The following SRSF11 variants were observed in gnomAD, a reference collection of about 807,000 sequenced individuals.
SRSF11 encodes the protein serine/arginine-rich splicing factor 11.
Under a neutral mutation model 56.0 loss-of-function variants are expected in SRSF11, and 9 were observed. That is an observed-to-expected ratio of 0.16 (90% CI 0.10 to 0.28). The LOEUF (loss-of-function observed/expected upper bound fraction) is 0.28. Among genes scored for constraint, SRSF11 ranks in the 10% least tolerant of loss-of-function variants. The pLI is 1.00. For synonymous variants in SRSF11, 222 were observed against 215.3 expected (o/e 1.03, Z -0.27); for missense variants, 421 against 600.7 (o/e 0.70, Z 3.13).
At chr1:70,218,467 G>A (rs1025858024), upstream of SRSF11, 1 of 152,094 alleles carries the variant, frequency 6.6e-6, no homozygotes. Context: ...GGCTTCTGGT[G>A]GTTTAAAGGA....
chr1:70,250,602 G>C lies in SRSF11; in HGVS notation c.1258-6G>C. The C allele has an allele frequency of 6.2e-7, 1 of 1,612,536 alleles. No homozygotes were observed. Among genetic ancestry groups the C allele is most frequent in the Non-Finnish European group, 8.5e-7 (1 of 1,179,588 alleles). On this transcript the variant is annotated splice_polypyrimidine_tract_variant and splice_region_variant and intron_variant, in intron 11 of 11. Transcript: ENST00000370949. ...AAGTTTACTTTTATTATTCTCCTTG[G>C]CAAAGCAGGTTACACGGGATTATGA...
chr1:70,234,647 T>C (rs370099663), intron 3 of SRSF11, 49 bp from the exon 4 acceptor site: 1 of 1,470,932 alleles, frequency 6.8e-7, no homozygotes, highest in African/African-American at 1.4e-5. Flanking sequence ...ACCCCTGGTA[T>C]AAGGAACTGA....
rs1451179853 is a variant in SRSF11 at position 70,221,566 on chromosome 1, C to CT, written c.-69dup. ...TCCTCTCTCCCGCAATCCGGTTCCT[C>CT]TTCCCCCTCCTTCTCACTGTTTGTT... is the stretch of plus-strand genomic sequence containing the variant. On this transcript the variant is annotated 5_prime_UTR_variant, in exon 1 of 12. Transcript: ENST00000370949. 10 of 1,532,220 alleles carry CT rather than the reference C, an allele frequency of 6.5e-6. No individual in the cohort carries two copies. Among genetic ancestry groups the CT allele is most frequent in the Non-Finnish European group, 8.8e-6 (10 of 1,138,022 alleles). The allele number at this position is 1,532,220 out of a possible 1,614,324, so 94.9% of individuals were successfully genotyped here.
chr1:70,246,938 A>AT (rs1228574984), intron 9 of SRSF11, 31 bp downstream of exon 9: 6 of 1,561,716 alleles, frequency 3.8e-6, no homozygotes, highest in East Asian at 4.6e-5. Flanking sequence ...CTTGGCAATT[A>AT]TTTTTTTAAC....
At chr1:70,250,166 C>A in intron 10 of SRSF11, 119 bp downstream of exon 10, 2 of 1,245,492 alleles carry the variant, frequency 1.6e-6, no homozygotes, top group Non-Finnish European at 2.3e-6. Flanking sequence ...TTAATGTATT[C>A]TCCTTCTGAC....
chr1:70,230,771 CAGA>C (rs774818773), intron 2 of SRSF11: 45 of 1,166,978 alleles, frequency 3.9e-5, no homozygotes, highest in Non-Finnish European at 4.8e-5. Context: ...TTTAGTTTGC[CAGA>C]AATGTTGCAA....
chr1:70,233,780 A>C (rs189458762), intron 3 of SRSF11, among the ~76,000 whole-genome samples: 89 of 152,352 alleles, frequency 5.8e-4, no homozygotes, highest in African/African-American at 2.0e-3. Flanking sequence ...CCTCACTTTC[A>C]TGGTTTGTGT....
chr1:70,206,127 A>G (rs1181140364), intron 1 of SRSF11, among the ~76,000 whole-genome samples: 1 of 152,240 alleles, frequency 6.6e-6, no homozygotes, highest in Non-Finnish European at 1.5e-5. Flanking sequence ...GTAATGTGAA[A>G]TGGAAGGACT....
intron 2 of SRSF11, chr1:70,229,049 T>C: frequency 1.0e-6 from 1 of 985,422 alleles, no homozygotes; most frequent in Non-Finnish European, 1.2e-6. Context: ...GCAGTGATTT[T>C]GGTTTTCGTG....
chr1:70,223,394 A>G (rs1671069908), intron 1 of SRSF11, among the ~76,000 whole-genome samples: 3 of 152,190 alleles, frequency 2.0e-5, no homozygotes, highest in Non-Finnish European at 2.9e-5. Context: ...TCTTTTACCT[A>G]ATGCATGACC....
chr1:70,209,319 T>C (rs1356422470), intron 1 of SRSF11, among the ~76,000 whole-genome samples: 1 of 152,224 alleles, frequency 6.6e-6, no homozygotes, highest in Non-Finnish European at 1.5e-5. Context: ...AGCACACTTG[T>C]TTATAAAATG....
chr1:70,220,008 ATTAT>A (rs545583664), upstream of SRSF11, among the ~76,000 whole-genome samples: 145 of 152,344 alleles, frequency 9.5e-4, 2 homozygotes, highest in African/African-American at 3.3e-3. Context: ...GGTCAAGTGA[ATTAT>A]TTAGTGAACT....
intron 8 of SRSF11, among the ~76,000 whole-genome samples, chr1:70,245,262 T>A (rs1404731451): frequency 6.6e-6 from 1 of 152,200 alleles, no homozygotes; most frequent in African/African-American, 2.4e-5. Flanking sequence ...TTATCTTAAT[T>A]TTCTAGAAGC....
chr1:70,246,341 C>T lies in SRSF11; in HGVS notation c.933-477C>T, dbSNP rs897751592. 1.2e-4 allele frequency among the ~76,000 whole-genome samples: 18 copies of T among 152,046 alleles called. 1 individual carries two copies. The highest frequency in any genetic ancestry group is 1.2e-3 in the East Asian group (6 of 5,174). On this transcript the variant is annotated intron_variant, in intron 8 of 11. Coordinates refer to ENST00000370949, the MANE Select transcript of SRSF11 (RefSeq NM_001350605.2). The stretch of plus-strand genomic sequence containing the variant: ...TAAGCCCTGAATAGTTCATAATAGC[C>T]GCAGAAAAAGAAGCTTGCTTGATCC...
At chr1:70,250,527 T>C (rs748467418) in intron 11 of SRSF11, 24 bp downstream of exon 11, 1 of 1,607,134 alleles carries the variant, frequency 6.2e-7, no homozygotes, top group South Asian at 1.1e-5. Context: ...TTGATTTATT[T>C]TTATATTTGG....
chr1:70,229,303 A>C (rs1200097522), intron 2 of SRSF11: 6 of 1,285,064 alleles, frequency 4.7e-6, no homozygotes, highest in Non-Finnish European at 6.1e-6. Flanking sequence ...AAAGGCCAGC[A>C]AGCACTCAAG....
At chr1:70,220,970 C>T (rs901068509), upstream of SRSF11, 2 of 151,866 alleles carry the variant, frequency 1.3e-5, no homozygotes, top group Non-Finnish European at 2.9e-5. Context: ...TTAATGTTAC[C>T]AAAATTCATG....
chr1:70,219,247 A>G (rs1670292797), upstream of SRSF11, among the ~76,000 whole-genome samples: 2 of 152,230 alleles, frequency 1.3e-5, no homozygotes, highest in African/African-American at 4.8e-5. Context: ...TGCTTACATT[A>G]TATGCAAATA....
rs536633189 is a variant in SRSF11, at chr1:70,210,349, G to T, written c.-26+4569G>T. Among the ~76,000 whole-genome samples, 31 of 152,062 alleles carry T rather than the reference G, an allele frequency of 2.0e-4. No individual in the cohort carries two copies. The East Asian group carries it at 4.7e-3, about 23-fold the overall frequency. ...TTTTTTAATGTTTTATAGAGACAGG[G>T]TCTCCCCATATTGCCCAGACTGGTC... On this transcript the variant is annotated intron_variant, in intron 1 of 12. Coordinates refer to the SRSF11 transcript ENST00000370950.
Sources: allele counts gnomAD v4.1 joint callset (sites outside exome capture counted in the v4.1 genomes callset), GRCh38; gene constraint gnomAD v4.1.1; transcripts MANE v1.5; gene names NCBI Gene and HGNC (gene_info 2026-07-23, HGNC 2026-07-21).